ZNF334: variants seen among roughly 807,000 people sequenced by gnomAD.
ZNF334 encodes the protein zinc finger protein 334.
A neutral mutation model predicts 12.4 loss-of-function variants in ZNF334; 14 were observed. The ratio of observed to expected loss-of-function variants is 1.13; its 90% CI spans 0.74 to 1.76. ZNF334 has a LOEUF of 1.76. ZNF334 is among the 40% of genes most tolerant of loss of function. The pLI is 0.00. For synonymous variants in ZNF334, 273 were observed against 269.6 expected (o/e 1.01, Z -0.12); for missense variants, 797 against 804.5 (o/e 0.99, Z 0.11).
intron 2 of ZNF334, chr20:46,506,509 G>A (rs760537698): frequency 2.3e-5 from 9 of 394,582 alleles, no homozygotes; most frequent in Non-Finnish European, 3.1e-5. Context: ...TGTGCTACTC[G>A]GGTGGCTGAG....
chr20:46,499,091 G>A (rs191978316), downstream of ZNF334, among the ~76,000 whole-genome samples: 502 of 146,340 alleles, frequency 3.4e-3, 27 homozygotes, highest in East Asian at 0.099. Flanking sequence ...GGAGAATGGT[G>A]TGAACCCGGG....
Position 46,501,693 on chromosome 20 carries a change from C to T in ZNF334, c.1646G>A (p.Cys549Tyr). 1 of 1,614,140 alleles carries T rather than the reference C, an allele frequency of 6.2e-7. No homozygotes were observed. ...IWERPYECNE[C>Y]GRTYCRKSAL... Reference sequence around the variant, plus strand: ...TGACTTCCTGCAGTAGGTTCTCCCACATTCATTGCATTCATATGGTCTCTC... The same window carrying T: ...TGACTTCCTGCAGTAGGTTCTCCCATATTCATTGCATTCATATGGTCTCTC... Residue 549 changes from cysteine to tyrosine, a missense_variant, in exon 5 of 5, where the codon TGT becomes TAT. Physicochemically the swap from Cys to Tyr is radical, Grantham distance 194. Transcript: ENST00000692313.
At chr20:46,477,593 C>T in the ZNF334 span, among the ~76,000 whole-genome samples, 2 of 152,186 alleles carry the variant, frequency 1.3e-5, no homozygotes, top group Non-Finnish European at 2.9e-5. Flanking sequence ...TGCCTCAGCC[C>T]TGTAAAGTGC....
At chr20:46,485,055 C>G in the ZNF334 span, 2 of 167,562 alleles carry the variant, frequency 1.2e-5, no homozygotes, top group Non-Finnish European at 2.9e-5. Flanking sequence ...GGAAGGAGCC[C>G]TGGATGATGG....
At position 46,502,238 on chromosome 20, in the gene ZNF334, A is replaced by G; in HGVS notation, c.1101T>C (p.His367=). Residue 367 remains histidine, a synonymous_variant, in exon 5 of 5, where the codon CAT becomes CAC. Transcript: ENST00000692313. ...GCTTCTCTCCTCTGTGAGTTCTTTG[A>G]TGTACAACAAGATACGATTTCTTGC... The part of the protein sequence containing the change: ...AFSKKSYLVV[H]QRTHRGEKPN... 3.1e-6 allele frequency: 5 copies of G among 1,613,976 alleles called. No individual in the cohort carries two copies. Among genetic ancestry groups the G allele is most frequent in the Non-Finnish European group, 4.2e-6 (5 of 1,179,994 alleles).
chr20:46,472,593 A>G, the ZNF334 span, among the ~76,000 whole-genome samples: 2 of 152,222 alleles, frequency 1.3e-5, no homozygotes, highest in Non-Finnish European at 2.9e-5. Flanking sequence ...AGGACGGCCT[A>G]AATAGCTCCT....
At chr20:46,512,027 T>C in intron 2 of ZNF334, 55 bp downstream of exon 2, 1 of 1,586,726 alleles carries the variant, frequency 6.3e-7, no homozygotes, top group East Asian at 2.2e-5. Flanking sequence ...CAAACTACTC[T>C]AAACCTCTTG....
At chr20:46,493,832 A>G in the ZNF334 span, among the ~76,000 whole-genome samples, 1 of 152,160 alleles carries the variant, frequency 6.6e-6, no homozygotes, top group Non-Finnish European at 1.5e-5. Flanking sequence ...AGGGAGGCTG[A>G]GGCATGAGAA....
chr20:46,471,615 G>A, the ZNF334 span, among the ~76,000 whole-genome samples: 1 of 152,024 alleles, frequency 6.6e-6, no homozygotes, highest in African/African-American at 2.4e-5. Context: ...ATTCACATGG[G>A]ATTTATTTAA....
At chr20:46,496,259 C>T (rs1362935311), downstream of ZNF334, among the ~76,000 whole-genome samples, 4 of 152,170 alleles carry the variant, frequency 2.6e-5, no homozygotes. Flanking sequence ...CTAAGGCATG[C>T]TGTAACAGTG....
chr20:46,508,869 T>C (rs545101672), intron 2 of ZNF334, among the ~76,000 whole-genome samples: 5 of 152,198 alleles, frequency 3.3e-5, no homozygotes, highest in Non-Finnish European at 5.9e-5. Flanking sequence ...CTTGAACACA[T>C]AGTATTTTTA....
the ZNF334 span, chr20:46,491,629 A>G: frequency 6.5e-6 from 1 of 152,724 alleles, no homozygotes; most frequent in Non-Finnish European, 1.5e-5. Context: ...CTCGCCACCA[A>G]CAAATCCATA....
chr20:46,466,989 C>T, the ZNF334 span, among the ~76,000 whole-genome samples: 2 of 152,136 alleles, frequency 1.3e-5, no homozygotes, highest in Non-Finnish European at 2.9e-5. Context: ...TAGACTAATT[C>T]TATTTCTATT....
the ZNF334 span, among the ~76,000 whole-genome samples, chr20:46,470,062 C>G: frequency 6.6e-6 from 1 of 152,148 alleles, no homozygotes; most frequent in Non-Finnish European, 1.5e-5. Context: ...CCCAGAGCTC[C>G]TAGGACAATA....
At chr20:46,473,477 TCTC>T in the ZNF334 span, among the ~76,000 whole-genome samples, 2 of 152,232 alleles carry the variant, frequency 1.3e-5, no homozygotes, top group Non-Finnish European at 2.9e-5. Flanking sequence ...ATGATAAACT[TCTC>T]CTTAAGAACT....
intron 2 of ZNF334, among the ~76,000 whole-genome samples, chr20:46,507,446 A>C (rs774660428): frequency 5.4e-4 from 82 of 152,248 alleles, no homozygotes; most frequent in Non-Finnish European, 9.6e-4. Flanking sequence ...GGAAAATAAT[A>C]AGCAGAATTT....
chr20:46,507,972 G>A (rs762548374), intron 2 of ZNF334, among the ~76,000 whole-genome samples: 2 of 152,100 alleles, frequency 1.3e-5, no homozygotes, highest in South Asian at 2.1e-4. Context: ...GAAACAAAAC[G>A]CCAGGGAGAA....
rs769146818 is a variant in ZNF334, at chr20:46,501,624, T to G, written c.1715A>C (p.Tyr572Ser). The G allele has an allele frequency of 1.2e-6, 2 of 1,614,202 alleles. No individual in the cohort carries two copies. The highest frequency in any genetic ancestry group is 2.7e-5 in the African/African-American group (2 of 75,060). Residue 572 changes from tyrosine to serine, a missense_variant, in exon 5 of 5, where the codon TAT (tyrosine) becomes TCT (serine). Tyr to Ser is a moderately radical substitution (Grantham distance 144). Transcript: ENST00000692313. ...GGTTTTCCCACATTCATTACACTCA[T>G]AGGGTCTCTGTCCTGTGTGTGTTCT... ...HQRTHTGQRP[Y>S]ECNECGKTFC...
chr20:46,483,096 T>C, the ZNF334 span, among the ~76,000 whole-genome samples: 6 of 152,192 alleles, frequency 3.9e-5, no homozygotes, highest in African/African-American at 1.4e-4. Flanking sequence ...GATGGCTTGG[T>C]TACATCCCTT....
Sources: allele counts gnomAD v4.1 joint callset (sites outside exome capture counted in the v4.1 genomes callset), GRCh38; gene constraint gnomAD v4.1.1; transcripts MANE v1.5; gene names NCBI Gene and HGNC (gene_info 2026-07-23, HGNC 2026-07-21).